ROBO2: variants seen among roughly 807,000 people sequenced by gnomAD.
ROBO2 encodes the protein roundabout homolog 2.
In ROBO2, 53 loss-of-function variants were observed where a neutral mutation model predicts 160.8. That is an observed-to-expected ratio of 0.33 (90% CI 0.26 to 0.41). The LOEUF (loss-of-function observed/expected upper bound fraction) is 0.41, where lower values mean the gene tolerates loss of function less well. Ranked by LOEUF, ROBO2 falls within the 10% of genes least tolerant of loss-of-function variation. The pLI, the probability that ROBO2 is intolerant of heterozygous loss-of-function variation, is 1.00. For synonymous variants in ROBO2, 664 were observed against 611.7 expected (o/e 1.09, Z -1.26); for missense variants, 1,577 against 1,722.4 (o/e 0.92, Z 1.49).
chr3:77,134,279 A>T (rs1653904968), intron 2 of ROBO2, among the ~76,000 whole-genome samples: 1 of 152,204 alleles, frequency 6.6e-6, no homozygotes, highest in Admixed American at 6.5e-5. Flanking sequence ...TTTCTCCATG[A>T]TAGGTAAGCT....
intron 2 of ROBO2, among the ~76,000 whole-genome samples, chr3:76,992,352 TATATATATATATATATA>T (rs1559812139): frequency 1.2e-3 from 85 of 71,166 alleles, no homozygotes; most frequent in East Asian, 9.3e-3. Context: ...TATATATATA[TATATATATATATATATA>T]AATTTAGCTT....
chr3:77,190,848 TA>T (rs1465942349), intron 2 of ROBO2, among the ~76,000 whole-genome samples: 3 of 152,054 alleles, frequency 2.0e-5, no homozygotes, highest in African/African-American at 7.2e-5. Flanking sequence ...GTGTTCTTTA[TA>T]TAAATTATAG....
chr3:77,198,919 GA>G, intron 2 of ROBO2, among the ~76,000 whole-genome samples: 1 of 151,892 alleles, frequency 6.6e-6, no homozygotes, highest in East Asian at 1.9e-4. Context: ...AAAGAAAAAA[GA>G]AAAAAGAAAG....
At chr3:76,277,891 A>G (rs913260719) in intron 2 of ROBO2, among the ~76,000 whole-genome samples, 14 of 151,686 alleles carry the variant, frequency 9.2e-5, no homozygotes, top group African/African-American at 3.4e-4. Flanking sequence ...TAAGTCCAAG[A>G]CATTTTTGTT....
At chr3:76,400,945 G>C (rs2077777927) in intron 2 of ROBO2, among the ~76,000 whole-genome samples, 1 of 151,530 alleles carries the variant, frequency 6.6e-6, no homozygotes, top group Admixed American at 6.6e-5. Context: ...GGAGGAATAA[G>C]TACACATGTG....
chr3:77,192,672 GA>G (rs2081966172), intron 2 of ROBO2, among the ~76,000 whole-genome samples: 1 of 19,244 alleles, frequency 5.2e-5, no homozygotes, highest in African/African-American at 2.6e-4. Context: ...TTTTTTTTTT[GA>G]GACAGAGTCT....
chr3:76,571,176 G>A (rs1357881370), intron 2 of ROBO2, among the ~76,000 whole-genome samples: 1 of 151,980 alleles, frequency 6.6e-6, no homozygotes, highest in African/African-American at 2.4e-5. Flanking sequence ...AAGAAACCAG[G>A]AAATACTAAT....
At chr3:76,497,606 T>A (rs28521187) in intron 2 of ROBO2, among the ~76,000 whole-genome samples, 24,092 of 152,198 alleles carry the variant, frequency 0.16, 2,897 homozygotes, top group African/African-American at 0.31. Context: ...TAGTGCTCAG[T>A]TATTTGGGCA....
intron 2 of ROBO2, among the ~76,000 whole-genome samples, chr3:76,757,854 G>T (rs577369490): frequency 6.6e-6 from 1 of 151,572 alleles, no homozygotes; most frequent in African/African-American, 2.4e-5. Context: ...AGCATCCCTA[G>T]GGGAGTTTTC....
intron 2 of ROBO2, among the ~76,000 whole-genome samples, chr3:76,407,898 T>C (rs1455183221): frequency 1.3e-5 from 2 of 151,670 alleles, no homozygotes; most frequent in Non-Finnish European, 2.9e-5. Flanking sequence ...CAACATGTTG[T>C]AACCTTTCTT....
chr3:77,027,471 C>A (rs1057189100), intron 2 of ROBO2, among the ~76,000 whole-genome samples: 6 of 152,096 alleles, frequency 3.9e-5, no homozygotes, highest in African/African-American at 1.4e-4. Flanking sequence ...TTCCAGAGAG[C>A]ATATATAGCA....
At chr3:76,146,536 G>A (rs2106803556) in intron 2 of ROBO2, among the ~76,000 whole-genome samples, 1 of 151,702 alleles carries the variant, frequency 6.6e-6, no homozygotes, top group East Asian at 2.0e-4. Flanking sequence ...GGTCCTTTCA[G>A]GATAACCCCA....
intron 2 of ROBO2, among the ~76,000 whole-genome samples, chr3:77,001,715 C>G (rs1387376457): frequency 6.6e-6 from 1 of 152,122 alleles, no homozygotes; most frequent in Admixed American, 6.6e-5. Context: ...ATATCAAACT[C>G]AAACAGTAAT....
At chr3:77,057,026 G>A (rs371949045) in intron 1 of ROBO2, among the ~76,000 whole-genome samples, 1 of 151,964 alleles carries the variant, frequency 6.6e-6, no homozygotes, top group Non-Finnish European at 1.5e-5. Flanking sequence ...TGTTTATTGC[G>A]GCATTATTCA....
chr3:76,044,273 T>A lies in ROBO2; in HGVS notation c.109+106671T>A, dbSNP rs80321680. Among the ~76,000 whole-genome samples the A allele has an allele frequency of 6.9e-3, 1,055 of 152,124 alleles. 63 individuals are homozygous for A. The East Asian group carries it at 0.15, about 22-fold the overall frequency. ...CGAAGTGGGTGAATGTAAGCATTCTTCCCTCAAACATCTGTGTTCTTCAGC... is the reference window on the plus strand; with the variant it reads ...CGAAGTGGGTGAATGTAAGCATTCTACCCTCAAACATCTGTGTTCTTCAGC... On this transcript the variant is annotated intron_variant, in intron 2 of 26. Coordinates refer to the ROBO2 transcript ENST00000487694.
intron 2 of ROBO2, among the ~76,000 whole-genome samples, chr3:76,879,379 C>A (rs983176108): frequency 1.3e-5 from 2 of 151,868 alleles, no homozygotes. Flanking sequence ...AACAAGCTCC[C>A]GGGAGAGGTC....
chr3:77,600,478 C>A (rs2094408976), intron 19 of ROBO2, among the ~76,000 whole-genome samples: 1 of 152,158 alleles, frequency 6.6e-6, no homozygotes, highest in Admixed American at 6.5e-5. Context: ...GGATTAGATT[C>A]TTGGACCACT....
intron 2 of ROBO2, among the ~76,000 whole-genome samples, chr3:77,192,246 G>C (rs953946389): frequency 6.6e-6 from 1 of 152,020 alleles, no homozygotes; most frequent in Non-Finnish European, 1.5e-5. Flanking sequence ...TGCCTTATGT[G>C]TATGTTTTAA....
chr3:76,584,877 A>G (rs1037141748), intron 2 of ROBO2, among the ~76,000 whole-genome samples: 6 of 152,150 alleles, frequency 3.9e-5, no homozygotes, highest in Non-Finnish European at 5.9e-5. Flanking sequence ...TGCAGTGTCT[A>G]TCCTCATGAT....
Sources: allele counts gnomAD v4.1 joint callset (sites outside exome capture counted in the v4.1 genomes callset), GRCh38; gene constraint gnomAD v4.1.1; transcripts MANE v1.5; gene names NCBI Gene and HGNC (gene_info 2026-07-23, HGNC 2026-07-21).